VCP: variants seen among roughly 807,000 people sequenced by gnomAD.
The protein encoded by VCP is transitional endoplasmic reticulum ATPase.
Under a neutral mutation model 85.7 loss-of-function variants are expected in VCP, and 6 were observed. The observed-to-expected ratio is 0.07, with a 90% confidence interval of 0.04 to 0.14. The LOEUF (loss-of-function observed/expected upper bound fraction) is 0.14. Among genes scored for constraint, VCP ranks in the 10% least tolerant of loss-of-function variants. VCP has a pLI of 1.00. For synonymous variants in VCP, 384 were observed against 367.1 expected, an observed-to-expected ratio of 1.05 and a Z score of -0.53; for missense variants, 353 against 1,043.4, an observed-to-expected ratio of 0.34 and a Z score of 9.12.
rs1563981227 is a variant in VCP, at chr9:35,068,366, G to C, written c.18-4C>G. ...TGATAGGTCATCACCTTTTGAACTA[G>C]AAGGAGGAAATGGAGTCAGTAGATA... On this transcript the variant is annotated splice_region_variant and splice_polypyrimidine_tract_variant and intron_variant, in intron 1 of 16. Transcript: ENST00000358901. 1.9e-6 allele frequency: 3 copies of C among 1,613,620 alleles called. No individual in the cohort carries two copies. The highest frequency in any genetic ancestry group is 2.2e-5 in the East Asian group (1 of 44,894).
chr9:35,072,179 C>G (rs1828967860), intron 1 of VCP, 158 bp downstream of exon 1: 3 of 1,418,682 alleles, frequency 2.1e-6, no homozygotes, highest in Non-Finnish European at 2.8e-6. Flanking sequence ...GCCGGGCCTG[C>G]CGGGTCCACG....
At chr9:35,066,119 C>T (rs557948455) in intron 4 of VCP, among the ~76,000 whole-genome samples, 22 of 150,954 alleles carry the variant, frequency 1.5e-4, no homozygotes, top group African/African-American at 5.1e-4. Context: ...GCGCGACACT[C>T]TGTCTCAAAA....
At chr9:35,058,964 TG>T (rs1828666916) in intron 15 of VCP, 99 bp downstream of exon 15, 6 of 1,522,358 alleles carry the variant, frequency 3.9e-6, no homozygotes, top group Admixed American at 1.7e-5. Context: ...CTCAGTTAGA[TG>T]ATCTTTCCAA....
At position 35,072,491 on chromosome 9, in the gene VCP, C is replaced by A. The variant is rs1029692572; in HGVS notation, c.-138G>T. Reference sequence around the variant, plus strand: ...CGGCGACAAACCCGCAAGCGGCTTCCCTCTCGCTTCCTCCCACCGGCAGCG... The same window carrying A: ...CGGCGACAAACCCGCAAGCGGCTTCACTCTCGCTTCCTCCCACCGGCAGCG... On this transcript the variant is annotated 5_prime_UTR_variant, in exon 1 of 17. Coordinates refer to ENST00000358901, the MANE Select transcript of VCP (RefSeq NM_007126.5). The A allele has an allele frequency of 2.5e-5, 27 of 1,099,558 alleles. No individual in the cohort carries two copies. The highest frequency in any genetic ancestry group is 3.1e-5 in the Non-Finnish European group (26 of 832,580). 68.1% of individuals were successfully genotyped at this position (1,099,558 alleles called of 1,614,324 possible).
chr9:35,057,693 A>G, intron 15 of VCP, 163 bp from the exon 16 acceptor site: 1 of 911,142 alleles, frequency 1.1e-6, no homozygotes, highest in Non-Finnish European at 1.8e-6. Context: ...GCTCTGCTTA[A>G]AAACTTGTCA....
rs192229770 is a variant in VCP at position 35,070,688 on chromosome 9, G to T, written c.17+1649C>A. Among the ~76,000 whole-genome samples the T allele has an allele frequency of 6.0e-3, 909 of 152,184 alleles. 4 individuals are homozygous for T. The highest frequency in any genetic ancestry group is 8.3e-3 in the Non-Finnish European group (564 of 68,002). On this transcript the variant is annotated intron_variant, in intron 1 of 16. Coordinates refer to ENST00000358901, the MANE Select transcript of VCP (RefSeq NM_007126.5). ...TGACCTCAAGTGATCTGCCTGCCTC[G>T]GCCTCCCAAAATGCTGGGATTACAG...
chr9:35,059,453 ACTCATGC>A lies in VCP; in HGVS notation c.2004+33_2004+39del, dbSNP rs757944833. 1 of 1,610,376 alleles carries A rather than the reference ACTCATGC, an allele frequency of 6.2e-7. No homozygotes were observed. The highest frequency in any genetic ancestry group is 8.5e-7 in the Non-Finnish European group (1 of 1,178,252). ...AAGAGCACTCCGTACCAGCCTGAGG[ACTCATGC>A]AAGTCTCCCACAGCCCATGATCTTG... On this transcript the variant is annotated intron_variant, in intron 14 of 16. Transcript: ENST00000358901. This position sits in a 1 kb window ranked among gnomAD's most constrained non-coding sequence, Gnocchi z 4.9.
At chr9:35,071,991 C>T (rs1587135065) in intron 1 of VCP, 2 of 1,112,678 alleles carry the variant, frequency 1.8e-6, no homozygotes, top group East Asian at 6.8e-5. Flanking sequence ...GCCCCAAAGC[C>T]CCGGGGCGCC....
chr9:35,058,987 C>T (rs1490539190), intron 15 of VCP, 77 bp downstream of exon 15: 3 of 1,597,260 alleles, frequency 1.9e-6, no homozygotes, highest in African/African-American at 1.3e-5. Context: ...AGCTTCTACT[C>T]TCAACTCCAG....
chr9:35,069,444 CTTTTTTTTTTTT>C (rs35498216), intron 1 of VCP, among the ~76,000 whole-genome samples: 9 of 96,106 alleles, frequency 9.4e-5, no homozygotes, highest in East Asian at 5.1e-4. Flanking sequence ...CTCCCTCTCC[CTTTTTTTTTTTT>C]TTTTTTTTTT....
At chr9:35,069,881 CA>C (rs1452199729) in intron 1 of VCP, among the ~76,000 whole-genome samples, 1 of 152,194 alleles carries the variant, frequency 6.6e-6, no homozygotes, top group African/African-American at 2.4e-5. Flanking sequence ...CTTCATTCAA[CA>C]AATTCATGAG....
rs114256093 is a variant in VCP, at chr9:35,068,367, A to G, written c.18-5T>C. The G allele has an allele frequency of 2.3e-3, 3,779 of 1,613,740 alleles. 95 individuals carry two copies. In the African/African-American group the frequency reaches 0.045, roughly 19 times the overall value. ...GATAGGTCATCACCTTTTGAACTAG[A>G]AGGAGGAAATGGAGTCAGTAGATAC... On this transcript the variant is annotated splice_region_variant and splice_polypyrimidine_tract_variant and intron_variant, in intron 1 of 16. Transcript: ENST00000358901.
chr9:35,065,206 T>A (rs966830358), intron 5 of VCP, 45 bp downstream of exon 5: 2 of 1,613,316 alleles, frequency 1.2e-6, no homozygotes, highest in Non-Finnish European at 1.7e-6. Flanking sequence ...GATGCCACAC[T>A]GAGTAATCAT....
chr9:35,066,110 C>A (rs1010399693), intron 4 of VCP, among the ~76,000 whole-genome samples: 1 of 150,846 alleles, frequency 6.6e-6, no homozygotes, highest in Non-Finnish European at 1.5e-5. Context: ...TGGGGGACAG[C>A]GCGACACTCT....
intron 9 of VCP, 105 bp downstream of exon 9, chr9:35,061,898 T>C (rs890777166): frequency 3.8e-6 from 6 of 1,593,562 alleles, no homozygotes; most frequent in African/African-American, 1.3e-5. Context: ...AAAAGACCCC[T>C]GGACCCAATC....
intron 1 of VCP, 43 bp downstream of exon 1, chr9:35,072,294 G>A (rs770545141): frequency 1.1e-5 from 17 of 1,482,954 alleles, no homozygotes; most frequent in Non-Finnish European, 1.4e-5. Context: ...GGCTGGTCCC[G>A]GTGCGCGCCG....
chr9:35,072,362 C>A lies in VCP; in HGVS notation c.-9G>T, dbSNP rs930753526. 2 of 1,478,420 alleles carry A rather than the reference C, an allele frequency of 1.4e-6. No individual in the cohort carries two copies. Among genetic ancestry groups the A allele is most frequent in the Non-Finnish European group, 1.8e-6 (2 of 1,121,796 alleles). 91.6% of individuals were successfully genotyped at this position (1,478,420 alleles called of 1,614,324 possible). The stretch of plus-strand genomic sequence containing the variant: ...TCGGCTCCAGAAGCCATGGCGCGCG[C>A]CTCTCCCGGCCGGCGGCTGTGGCGG... On this transcript the variant is annotated 5_prime_UTR_variant, in exon 1 of 17. Transcript: ENST00000358901.
In VCP at chr9:35,061,053, C is replaced by T; in HGVS notation, c.1321G>A (p.Val441Ile). ...ATAGTAACTGCTAGAGAGTTCATGA[C>T]CTCGGCATCAATGGTCTCATCCTCT... ...DLEDETIDAE[V>I]MNSLAVTMDD... The change falls in exon 11 of 17, where the codon GTC (valine) becomes ATC (isoleucine). Residue 441 changes from valine to isoleucine, a missense_variant. Val to Ile is a conservative substitution (Grantham distance 29, BLOSUM62 3). Around this residue, in one of 8 missense-constraint regions of VCP, gnomAD observed 22 missense variants for 31.2 expected, o/e 0.70. Coordinates refer to ENST00000358901, the MANE Select transcript of VCP (RefSeq NM_007126.5). 6.2e-7 allele frequency: 1 copy of T among 1,614,174 alleles called. No homozygotes were observed. Among genetic ancestry groups the T allele is most frequent in the Non-Finnish European group, 8.5e-7 (1 of 1,180,024 alleles).
intron 15 of VCP, chr9:35,057,801 T>C (rs752950954): frequency 9.6e-6 from 5 of 520,242 alleles, no homozygotes; most frequent in African/African-American, 1.9e-5. Flanking sequence ...AGGAAACTTT[T>C]TGAGATAGTA....
Sources: gnomAD v4.1 joint callset for allele counts (sites outside exome capture counted in the v4.1 genomes callset) on GRCh38, gnomAD v4.1.1 for gene constraint, gnomAD v4.1.1 regional missense constraint, Gnocchi (gnomAD v3.1) non-coding constraint, MANE v1.5 for transcripts, NCBI Gene and HGNC (gene_info 2026-07-23, HGNC 2026-07-21) for gene names.